Variants in IDNK observed in about 807,000 individuals in gnomAD.
The protein encoded by IDNK is gluconokinase.
In IDNK, 9 loss-of-function variants were observed where a neutral mutation model predicts 13.0. The observed-to-expected ratio is 0.69, with a 90% CI of 0.42 to 1.21. IDNK has a LOEUF of 1.21. IDNK is among the 50% of genes most tolerant of loss of function. The pLI is 0.00. For synonymous variants in IDNK, 92 were observed against 94.9 expected (o/e 0.97, Z 0.18); for missense variants, 210 against 237.8 (o/e 0.88, Z 0.77).
chr9:83,628,967 T>C lies in IDNK; in HGVS notation c.168+8T>C, dbSNP rs776690187. On this transcript the variant is annotated splice_region_variant and intron_variant, in intron 3 of 4. Coordinates refer to ENST00000376419, the MANE Select transcript of IDNK (RefSeq NM_001001551.4). Reference sequence around the variant, plus strand: ...ATACCGCTCAATGACCAGGTAACAATTGCTGTCTGTGTCCATCACACATAT... The same window carrying C: ...ATACCGCTCAATGACCAGGTAACAACTGCTGTCTGTGTCCATCACACATAT... The C allele has an allele frequency of 3.7e-6, 6 of 1,607,406 alleles. No individual in the cohort carries two copies. In the Admixed American group the frequency reaches 6.7e-5, roughly 18 times the overall value.
chr9:83,627,732 T>C (rs757085069), intron 1 of IDNK, among the ~76,000 whole-genome samples: 1 of 152,050 alleles, frequency 6.6e-6, no homozygotes, highest in Non-Finnish European at 1.5e-5. Context: ...AAAATGTTTT[T>C]ATGCTTTTAT....
chr9:83,634,209 T>C (rs1275043963), intron 3 of IDNK, among the ~76,000 whole-genome samples: 2 of 152,252 alleles, frequency 1.3e-5, no homozygotes, highest in Non-Finnish European at 2.9e-5. Context: ...TGCTCTTTTA[T>C]TTCCAACCCT....
chr9:83,642,581 GGA>G (rs1267407901), intron 4 of IDNK, among the ~76,000 whole-genome samples: 1 of 151,524 alleles, frequency 6.6e-6, no homozygotes, highest in Non-Finnish European at 1.5e-5. Context: ...AAAAAGCAGG[GGA>G]GGCCCCTTCC....
At chr9:83,639,542 T>C (rs1831246706) in intron 3 of IDNK, among the ~76,000 whole-genome samples, 1 of 152,158 alleles carries the variant, frequency 6.6e-6, no homozygotes, top group Non-Finnish European at 1.5e-5. Flanking sequence ...AGATCTCTGG[T>C]GAGACTCATC....
chr9:83,623,185 G>A lies in IDNK; in HGVS notation c.14G>A (p.Gly5Asp). 1 of 1,414,402 alleles carries A rather than the reference G, an allele frequency of 7.1e-7. No individual in the cohort carries two copies. Among genetic ancestry groups the A allele is most frequent in the Admixed American group, 3.6e-5 (1 of 27,478 alleles). The allele number at this position is 1,414,402 out of a possible 1,614,324, so 87.6% of individuals were successfully genotyped here. A position where few individuals can be genotyped will look rare whatever the true frequency, so the allele number is the denominator to read the frequency against. ...CGAGCTTGGGTTATGGCGGCGCCGG[G>A]CGCGCTGCTGGTGATGGGCGTGAGC... Reference protein sequence around the residue: MAAPGALLVMGVSGS... With the variant: MAAPDALLVMGVSGS... Residue 5 changes from glycine to aspartate, a missense_variant, in exon 1 of 5, where the codon GGC (glycine) becomes GAC (aspartate). Physicochemically the swap from Gly to Asp is moderately conservative, Grantham distance 94. Transcript: ENST00000376419.
At position 83,628,889 on chromosome 9, in the gene IDNK, A is replaced by G. The variant is rs763256887; in HGVS notation, c.98A>G (p.Tyr33Cys). 1.2e-6 allele frequency: 2 copies of G among 1,613,782 alleles called. No homozygotes were observed. The highest frequency in any genetic ancestry group is 2.2e-5 in the East Asian group (1 of 44,890). Residue 33 changes from tyrosine to cysteine, a missense_variant, in exon 3 of 5, where the codon TAT (tyrosine) becomes TGT (cysteine). Tyr to Cys is a radical substitution (Grantham distance 194). Transcript: ENST00000376419. Reference protein sequence around the residue: ...LLASELGWKFYDADDYHPEEN... With the variant: ...LLASELGWKFCDADDYHPEEN... Reference sequence around the variant, plus strand: ...TTCTTAAAGCTGGGATGGAAATTCTATGATGCTGATGATTATCACCCGGAG... The same window carrying G: ...TTCTTAAAGCTGGGATGGAAATTCTGTGATGCTGATGATTATCACCCGGAG...
intron 3 of IDNK, 74 bp downstream of exon 3, chr9:83,629,033 G>A (rs1799623038): frequency 6.6e-6 from 8 of 1,203,504 alleles, no homozygotes; most frequent in Non-Finnish European, 9.9e-6. Flanking sequence ...AGCACTTGCT[G>A]TAGTAGAGTT....
At chr9:83,623,926 C>A (rs1365088862) in intron 1 of IDNK, among the ~76,000 whole-genome samples, 1 of 152,128 alleles carries the variant, frequency 6.6e-6, no homozygotes, top group East Asian at 1.9e-4. Context: ...GCTGCTGTAC[C>A]ATTCGACCAC....
At chr9:83,631,451 GAAAAA>G (rs57832482) in intron 3 of IDNK, among the ~76,000 whole-genome samples, 5 of 56,946 alleles carry the variant, frequency 8.8e-5, no homozygotes, top group Admixed American at 2.9e-4. Context: ...TACAAAAACT[GAAAAA>G]AAAAAAAAAA....
intron 3 of IDNK, among the ~76,000 whole-genome samples, chr9:83,632,544 G>A (rs370268696): frequency 2.3e-5 from 2 of 86,510 alleles, no homozygotes; most frequent in East Asian, 3.8e-4. Flanking sequence ...TAACATTAAC[G>A]ATAGCTGATG....
rs556145920 is a variant in IDNK, at chr9:83,641,169, C to G, written c.169-379C>G. 2.0e-5 allele frequency among the ~76,000 whole-genome samples: 3 copies of G among 152,250 alleles called. No homozygotes were observed. The East Asian group carries it at 5.8e-4, about 29-fold the overall frequency. ...TTTGAAGAATAGGACCAGGGGACAG[C>G]TGACGTAAGGGTTTATGTGAATATC... On this transcript the variant is annotated intron_variant, in intron 3 of 4. Transcript: ENST00000376419.
intron 1 of IDNK, among the ~76,000 whole-genome samples, chr9:83,625,717 A>C (rs1830830725): frequency 6.6e-6 from 1 of 152,214 alleles, no homozygotes; most frequent in South Asian, 2.1e-4. Flanking sequence ...ATCACAGCCT[A>C]ATGGCTGAAG....
At chr9:83,626,913 G>A (rs1331494487) in intron 1 of IDNK, 1 of 958,178 alleles carries the variant, frequency 1.0e-6, no homozygotes, top group East Asian at 1.1e-4. Flanking sequence ...TGGTACAACT[G>A]TGTCTAACAC....
chr9:83,634,461 A>C (rs1831111710), intron 3 of IDNK, among the ~76,000 whole-genome samples: 1 of 152,256 alleles, frequency 6.6e-6, no homozygotes, highest in Non-Finnish European at 1.5e-5. Context: ...AACAATGAAA[A>C]AACATGTATT....
At chr9:83,623,296 C>G (rs1830752459) in intron 1 of IDNK, 75 bp downstream of exon 1, 1 of 1,278,566 alleles carries the variant, frequency 7.8e-7, no homozygotes, top group Non-Finnish European at 1.0e-6. Context: ...CGTCGCCGTC[C>G]CTGCCGGTGG....
At chr9:83,633,774 A>G (rs1831091459) in intron 3 of IDNK, among the ~76,000 whole-genome samples, 1 of 152,248 alleles carries the variant, frequency 6.6e-6, no homozygotes, top group Non-Finnish European at 1.5e-5. Flanking sequence ...AAAGCCACAC[A>G]GCAAAGGGAG....
At chr9:83,641,907 C>A (rs1193495557) in intron 4 of IDNK, among the ~76,000 whole-genome samples, 1 of 152,218 alleles carries the variant, frequency 6.6e-6, no homozygotes, top group Non-Finnish European at 1.5e-5. Flanking sequence ...TTCCTACTCA[C>A]AGATTTTTGT....
chr9:83,634,147 C>T (rs1460308486), intron 3 of IDNK, among the ~76,000 whole-genome samples: 1 of 152,198 alleles, frequency 6.6e-6, no homozygotes, highest in African/African-American at 2.4e-5. Context: ...AATTCATAAT[C>T]ATTTAATTAT....
intron 3 of IDNK, among the ~76,000 whole-genome samples, chr9:83,633,730 A>G (rs1284249203): frequency 6.6e-6 from 1 of 152,246 alleles, no homozygotes; most frequent in Non-Finnish European, 1.5e-5. Flanking sequence ...ACAAATGAAC[A>G]AAGAGAGGTG....
Sources: allele counts gnomAD v4.1 joint callset (sites outside exome capture counted in the v4.1 genomes callset), GRCh38; gene constraint gnomAD v4.1.1; transcripts MANE v1.5; gene names NCBI Gene and HGNC (gene_info 2026-07-23, HGNC 2026-07-21).